The following KCNN2 variants were observed in gnomAD, a reference collection of about 807,000 sequenced individuals.
KCNN2 encodes small conductance calcium-activated potassium channel protein 2.
KCNN2 carries 24 observed loss-of-function variants against 55.5 expected under a neutral mutation model. The observed-to-expected ratio is 0.43, with a 90% CI of 0.31 to 0.61. The LOEUF (loss-of-function observed/expected upper bound fraction) is 0.61. Ranked by LOEUF, KCNN2 falls within the 20% of genes least tolerant of loss-of-function variation. The pLI is 0.08. For synonymous variants in KCNN2, 431 were observed against 336.1 expected, an observed-to-expected ratio of 1.28 and a Z score of -3.09; for missense variants, 754 against 853.6, an observed-to-expected ratio of 0.88 and a Z score of 1.45.
At chr5:114,302,220 T>G (rs1756180346) in intron 2 of KCNN2, among the ~76,000 whole-genome samples, 1 of 152,238 alleles carries the variant, frequency 6.6e-6, no homozygotes, top group Non-Finnish European at 1.5e-5. Context: ...GCATAGTTAC[T>G]AACAGTACAT....
At chr5:114,307,026 T>A (rs1756293292) in intron 2 of KCNN2, among the ~76,000 whole-genome samples, 1 of 152,130 alleles carries the variant, frequency 6.6e-6, no homozygotes, top group Admixed American at 6.6e-5. Context: ...GGGGCTGTGA[T>A]CATGTTTTGG....
At chr5:114,393,340 T>A (rs2150064728) in intron 2 of KCNN2, among the ~76,000 whole-genome samples, 1 of 152,332 alleles carries the variant, frequency 6.6e-6, no homozygotes, top group African/African-American at 2.4e-5. Context: ...AGGATTTGTC[T>A]TAGTAAGCAG....
chr5:114,345,790 A>AT (rs1046032888), intron 2 of KCNN2, among the ~76,000 whole-genome samples: 9 of 151,336 alleles, frequency 5.9e-5, no homozygotes, highest in African/African-American at 9.7e-5. Flanking sequence ...TTTATTTTTT[A>AT]TTTTTTTTGA....
intron 2 of KCNN2, among the ~76,000 whole-genome samples, chr5:114,267,979 A>G (rs4426906): frequency 0.85 from 129,832 of 152,114 alleles, 55,506 homozygotes; most frequent in East Asian, 0.94. Context: ...TGTCCTTTGC[A>G]GGGAGCTCCC....
intron 2 of KCNN2, among the ~76,000 whole-genome samples, chr5:114,318,287 T>C (rs1344783057): frequency 1.3e-5 from 2 of 152,220 alleles, no homozygotes; most frequent in Non-Finnish European, 2.9e-5. Context: ...ACCCATACTT[T>C]ATTTTGGAAT....
intron 2 of KCNN2, among the ~76,000 whole-genome samples, chr5:114,330,660 ATCTG>A (rs1344609615): frequency 6.6e-6 from 1 of 152,122 alleles, no homozygotes; most frequent in Non-Finnish European, 1.5e-5. Flanking sequence ...ACTGCTCTCA[ATCTG>A]TCTGACAAAT....
chr5:114,317,955 G>T (rs112444003), intron 2 of KCNN2, among the ~76,000 whole-genome samples: 2,959 of 152,312 alleles, frequency 0.019, 33 homozygotes, highest in Non-Finnish European at 0.031. Context: ...GGGACTGGGA[G>T]GGGGCAGGGA....
At chr5:114,164,942 C>T (rs1025293524) in intron 1 of KCNN2, among the ~76,000 whole-genome samples, 4 of 152,222 alleles carry the variant, frequency 2.6e-5, no homozygotes, top group East Asian at 1.9e-4. Context: ...ATTAACTTAA[C>T]GTTCCTAATG....
At chr5:114,246,617 C>T (rs1754752943) in intron 2 of KCNN2, among the ~76,000 whole-genome samples, 1 of 152,010 alleles carries the variant, frequency 6.6e-6, no homozygotes, top group South Asian at 2.1e-4. Context: ...GCTACTGTAC[C>T]TTTATTTAAG....
chr5:114,135,700 C>T (rs1752159897), intron 1 of KCNN2, among the ~76,000 whole-genome samples: 1 of 152,042 alleles, frequency 6.6e-6, no homozygotes, highest in African/African-American at 2.4e-5. Context: ...GAGGAAATGT[C>T]GAATGTTAAA....
chr5:114,395,675 T>C (rs1758592978), intron 2 of KCNN2, among the ~76,000 whole-genome samples: 1 of 152,172 alleles, frequency 6.6e-6, no homozygotes, highest in Non-Finnish European at 1.5e-5. Context: ...TTGAGAATGT[T>C]TTCATTTTCT....
At chr5:114,340,138 G>A (rs1185572024) in intron 2 of KCNN2, among the ~76,000 whole-genome samples, 1 of 151,538 alleles carries the variant, frequency 6.6e-6, no homozygotes, top group Non-Finnish European at 1.5e-5. Context: ...AATTTTTTTT[G>A]CCAAAAAGAT....
At chr5:114,072,249 G>A (rs980288293) in intron 1 of KCNN2, among the ~76,000 whole-genome samples, 2 of 151,584 alleles carry the variant, frequency 1.3e-5, no homozygotes, top group South Asian at 2.1e-4. Context: ...CCAAGATCAC[G>A]CCATTGCACT....
At chr5:114,390,782 G>A (rs1377508965) in intron 2 of KCNN2, among the ~76,000 whole-genome samples, 2 of 152,140 alleles carry the variant, frequency 1.3e-5, no homozygotes, top group Admixed American at 1.3e-4. Flanking sequence ...TACCTTAACA[G>A]AGAAGTTCAA....
In KCNN2 at chr5:114,404,815, A is replaced by T. The variant is rs748920285; in HGVS notation, c.1596A>T (p.Ser532=). Residue 532 remains serine (S), a synonymous_variant, in exon 3 of 8, where the codon TCA becomes TCT. Coordinates refer to ENST00000673685, the MANE Select transcript of KCNN2 (RefSeq NM_021614.4). ...CTGTACTCTTGGTTTTTAGTATCTC[A>T]TTATGGATAATTGCCGCATGGACTG... ...PGTVLLVFSI[S]LWIIAAWTVR... 1 of 1,611,852 alleles carries T rather than the reference A, an allele frequency of 6.2e-7. No individual in the cohort carries two copies. Among genetic ancestry groups the T allele is most frequent in the South Asian group, 1.1e-5 (1 of 91,024 alleles).
chr5:114,274,920 C>G (rs564190844), intron 2 of KCNN2, among the ~76,000 whole-genome samples: 2 of 152,196 alleles, frequency 1.3e-5, no homozygotes, highest in South Asian at 2.1e-4. Flanking sequence ...TGCCGGTTTT[C>G]AAAGGGAATG....
intron 3 of KCNN2, among the ~76,000 whole-genome samples, chr5:114,459,441 T>G (rs1580867409): frequency 6.6e-6 from 1 of 152,358 alleles, no homozygotes; most frequent in Middle Eastern, 3.4e-3. Flanking sequence ...TTGAAAATTT[T>G]TAAACATTGT....
At chr5:114,107,835 A>G (rs1323738721) in intron 1 of KCNN2, among the ~76,000 whole-genome samples, 1 of 152,062 alleles carries the variant, frequency 6.6e-6, no homozygotes, top group Non-Finnish European at 1.5e-5. Context: ...GAGTTTTCCA[A>G]TTCTCAAATA....
intron 2 of KCNN2, among the ~76,000 whole-genome samples, chr5:114,251,812 A>G (rs931357297): frequency 1.3e-5 from 2 of 151,798 alleles, no homozygotes; most frequent in Non-Finnish European, 2.9e-5. Context: ...AACTGGAAAA[A>G]TAGAATAATA....
Sources: allele counts gnomAD v4.1 joint callset (sites outside exome capture counted in the v4.1 genomes callset), GRCh38; gene constraint gnomAD v4.1.1; transcripts MANE v1.5; gene names NCBI Gene and HGNC (gene_info 2026-07-23, HGNC 2026-07-21).